PCDHGB3: variants seen among roughly 807,000 people sequenced by gnomAD.
The protein encoded by PCDHGB3 is protocadherin gamma-B3.
A neutral mutation model predicts 59.2 loss-of-function variants in PCDHGB3; 40 were observed. The ratio of observed to expected loss-of-function variants is 0.68; its 90% CI spans 0.52 to 0.88. PCDHGB3 has a LOEUF of 0.88. Ranked by LOEUF, PCDHGB3 falls within the 40% of genes least tolerant of loss-of-function variation. The pLI is 0.00. For missense variants in PCDHGB3, 1,309 were observed against 1,187.9 expected, an observed-to-expected ratio of 1.10 and a Z score of -1.50; for synonymous variants, 581 against 503.6, an observed-to-expected ratio of 1.15 and a Z score of -2.06.
At chr5:141,426,453 G>A (rs902416171) in intron 1 of PCDHGB3, 4 of 310,612 alleles carry the variant, frequency 1.3e-5, no homozygotes, top group African/African-American at 8.6e-5. Flanking sequence ...ACATGCGGCT[G>A]CATGTTCAGG....
intron 2 of PCDHGB3, among the ~76,000 whole-genome samples, chr5:141,501,290 TACACACACACACACACACACAC>T (rs55762287): frequency 1.4e-4 from 19 of 136,248 alleles, no homozygotes; most frequent in Admixed American, 1.1e-3. Context: ...TATTCCCTTA[TACACACACACACACACACACAC>T]ACACACACAC....
At chr5:141,403,774 C>A (rs1350465491) in intron 1 of PCDHGB3, 1 of 1,613,786 alleles carries the variant, frequency 6.2e-7, no homozygotes, top group Non-Finnish European at 8.5e-7. Context: ...AGGGAATCAA[C>A]GGAAAAGTGG....
intron 1 of PCDHGB3, among the ~76,000 whole-genome samples, chr5:141,492,808 A>C (rs1261752522): frequency 6.6e-6 from 1 of 152,252 alleles, no homozygotes; most frequent in African/African-American, 2.4e-5. Flanking sequence ...CTGGGACTCC[A>C]GTGGCACCAG....
chr5:141,496,992 C>T (rs1055856428), intron 2 of PCDHGB3, among the ~76,000 whole-genome samples: 2 of 151,918 alleles, frequency 1.3e-5, no homozygotes, highest in African/African-American at 2.4e-5. Context: ...TTGAGACCAG[C>T]CTGGCAGCCA....
intron 1 of PCDHGB3, among the ~76,000 whole-genome samples, chr5:141,466,121 CA>C (rs908379481): frequency 4.8e-5 from 7 of 146,852 alleles, no homozygotes; most frequent in Non-Finnish European, 6.0e-5. Context: ...GACTCCAGCT[CA>C]AAAAAAAAAT....
rs545261528 is a variant in PCDHGB3 at position 141,404,038 on chromosome 5, G to C, written c.2415+31229G>C. 4.3e-6 allele frequency: 7 copies of C among 1,613,858 alleles called. No individual in the cohort carries two copies. The African/African-American group carries it at 8.0e-5, about 18-fold the overall frequency. ...GCCCAGTGAGAGAAGACGCACCTCA[G>C]GGAACAGTAATTCTTCTTTTCAATG... On this transcript the variant is annotated intron_variant, in intron 1 of 3. Coordinates refer to ENST00000576222, the MANE Select transcript of PCDHGB3 (RefSeq NM_018924.5).
intron 1 of PCDHGB3, chr5:141,422,819 TGA>T (rs766395950): frequency 1.9e-5 from 31 of 1,614,068 alleles, no homozygotes; most frequent in Middle Eastern, 1.6e-4. Flanking sequence ...GACTTAGAAC[TGA>T]GAGTGATAGC....
At chr5:141,394,101 C>A (rs753056702) in intron 1 of PCDHGB3, 7 of 1,613,944 alleles carry the variant, frequency 4.3e-6, no homozygotes, top group Middle Eastern at 1.6e-4. Flanking sequence ...TCTAGGAACA[C>A]CACCTCTGTC....
Position 141,419,271 on chromosome 5 carries a change from T to C in PCDHGB3, c.2415+46462T>C, listed in dbSNP as rs2096352878. 4 of 1,613,902 alleles carry C rather than the reference T, an allele frequency of 2.5e-6. No homozygotes were observed. In the South Asian group the frequency reaches 3.3e-5, roughly 13 times the overall value. ...GAAAACAACCAGCCGGGTGCCTCCA[T>C]AGCGCAAGTCAGTGCCTCTGACCCA... On this transcript the variant is annotated intron_variant, in intron 1 of 3. Transcript: ENST00000576222.
intron 1 of PCDHGB3, chr5:141,378,655 G>A (rs963845635): frequency 2.6e-5 from 4 of 152,084 alleles, no homozygotes; most frequent in Admixed American, 6.5e-5. Context: ...ATGTTAATGA[G>A]GTTCAAATAA....
intron 1 of PCDHGB3, chr5:141,413,972 T>G: frequency 6.2e-7 from 1 of 1,613,420 alleles, no homozygotes; most frequent in Non-Finnish European, 8.5e-7. Context: ...ACTCAGCTGC[T>G]GACAGTCACA....
intron 1 of PCDHGB3, chr5:141,383,187 C>CGGGAAGA: frequency 6.2e-7 from 1 of 1,614,076 alleles, no homozygotes; most frequent in Non-Finnish European, 8.5e-7. Context: ...AAGAGATCTG[C>CGGGAAGA]GCTCAGAGTG....
rs1562157859 is a variant in PCDHGB3 at position 141,493,022 on chromosome 5, G to GTGCC, written c.2416-1784_2416-1781dup. Among the ~76,000 whole-genome samples, 2 of 152,222 alleles carry GTGCC rather than the reference G, an allele frequency of 1.3e-5. No homozygotes were observed. Among genetic ancestry groups the GTGCC allele is most frequent in the African/African-American group, 4.8e-5 (2 of 41,454 alleles). ...GCTATAGGCTCTGCCAGATGCCAGG[G>GTGCC]TGCCCTTATGTGTGAGGAAACTACA... On this transcript the variant is annotated intron_variant, in intron 1 of 3. Coordinates refer to ENST00000576222, the MANE Select transcript of PCDHGB3 (RefSeq NM_018924.5). The surrounding 1 kb of genome is among the most constrained non-coding windows in gnomAD (Gnocchi z 4.3).
chr5:141,400,071 G>A (rs2093956056), intron 1 of PCDHGB3: 1 of 1,613,824 alleles, frequency 6.2e-7, no homozygotes, highest in African/African-American at 1.3e-5. Flanking sequence ...GTGGACAGCC[G>A]CCACTCTCCG....
chr5:141,473,887 C>T (rs887871337), intron 1 of PCDHGB3, among the ~76,000 whole-genome samples: 3 of 152,144 alleles, frequency 2.0e-5, no homozygotes, highest in Non-Finnish European at 2.9e-5. Context: ...CACAAGGGTT[C>T]TGTTGGTTCA....
At chr5:141,409,435 C>T in intron 1 of PCDHGB3, 2 of 1,613,994 alleles carry the variant, frequency 1.2e-6, no homozygotes, top group Non-Finnish European at 1.7e-6. Context: ...GAGCCCTGGA[C>T]CGAGAGCAGA....
intron 1 of PCDHGB3, chr5:141,404,371 C>G (rs374054833): frequency 1.5e-5 from 25 of 1,613,774 alleles, no homozygotes; most frequent in Non-Finnish European, 2.0e-5. Context: ...CCATCTTCTC[C>G]GTGATTGCCT....
rs1193457334 is a variant in PCDHGB3 at position 141,375,486 on chromosome 5, G to T, written c.2415+2677G>T. The T allele has an allele frequency of 5.0e-6, 8 of 1,613,914 alleles. No homozygotes were observed. Among genetic ancestry groups the T allele is most frequent in the Non-Finnish European group, 6.8e-6 (8 of 1,179,980 alleles). ...TATGTCCTTGAAAACAACCCCAGGG[G>T]TGCCTCCATCTTCTCTGTGAATGCA... is the stretch of plus-strand genomic sequence containing the variant. On this transcript the variant is annotated intron_variant, in intron 1 of 3. Coordinates refer to ENST00000576222, the MANE Select transcript of PCDHGB3 (RefSeq NM_018924.5).
At chr5:141,413,775 G>T in intron 1 of PCDHGB3, 1 of 1,612,878 alleles carries the variant, frequency 6.2e-7, no homozygotes, top group South Asian at 1.1e-5. Context: ...AGCTGGTACT[G>T]GAGCACTCCC....
Sources: allele counts gnomAD v4.1 joint callset (sites outside exome capture counted in the v4.1 genomes callset), GRCh38; gene constraint gnomAD v4.1.1; non-coding constraint Gnocchi (gnomAD v3.1); transcripts MANE v1.5; gene names NCBI Gene and HGNC (gene_info 2026-07-23, HGNC 2026-07-21).